IL1RAPL1: variants seen among roughly 807,000 people sequenced by gnomAD.
IL1RAPL1 encodes interleukin 1 receptor accessory protein like 1.
A neutral mutation model predicts 48.4 loss-of-function variants in IL1RAPL1; 3 were observed. The observed-to-expected ratio is 0.06, with a 90% confidence interval of 0.03 to 0.16. The LOEUF is 0.16. Ranked by LOEUF, IL1RAPL1 falls within the 10% of genes least tolerant of loss-of-function variation. The pLI is 1.00. For missense variants in IL1RAPL1, 349 were observed against 530.6 expected, an observed-to-expected ratio of 0.66 and a Z score of 3.36; for synonymous variants, 185 against 187.7, an observed-to-expected ratio of 0.99 and a Z score of 0.12.
chrX:29,773,951 T>C (rs1929128716), intron 6 of IL1RAPL1, among the ~76,000 whole-genome samples: 1 of 112,069 alleles, frequency 8.9e-6, no homozygotes, highest in Non-Finnish European at 1.9e-5. Flanking sequence ...CACATGTAAC[T>C]CTATATACAT....
At chrX:29,261,311 AG>A (rs1931855206) in intron 2 of IL1RAPL1, among the ~76,000 whole-genome samples, 1 of 111,421 alleles carries the variant, frequency 9.0e-6, no homozygotes. Context: ...CTGATAAATA[AG>A]ATAATTTGTA....
intron 2 of IL1RAPL1, among the ~76,000 whole-genome samples, chrX:28,958,825 A>G (rs971999530): frequency 1.5e-4 from 17 of 111,353 alleles, no homozygotes; most frequent in African/African-American, 5.5e-4. Context: ...TGTATTGGAC[A>G]TTGATTCTAA....
chrX:28,733,107 G>A (rs140940371), intron 1 of IL1RAPL1, among the ~76,000 whole-genome samples: 2,514 of 108,262 alleles, frequency 0.023, 80 homozygotes, highest in African/African-American at 0.082. Flanking sequence ...GTGTGTGTGT[G>A]TATATAATAT....
At position 28,660,086 on chromosome X, in the gene IL1RAPL1, GGTGTGTGTGTGTGTGTGTGT is replaced by G. The variant is rs60600833; in HGVS notation, c.-25+72074_-25+72093del. On this transcript the variant is annotated intron_variant, in intron 1 of 10. Transcript: ENST00000378993. ...TCCAAAGCAGAAGCAGAGTGAGGAT[GGTGTGTGTGTGTGTGTGTGT>G]GTGTGTGTGTGTGTGTGTGTGTGTG... Among the ~76,000 whole-genome samples the G allele has an allele frequency of 3.1e-3, 240 of 76,420 alleles. 1 individual carries two copies. Among genetic ancestry groups the G allele is most frequent in the East Asian group, 0.012 (23 of 1,953 alleles). 66.4% of individuals were successfully genotyped at this position (76,420 alleles called of 115,157 possible). A position where few individuals can be genotyped will look rare whatever the true frequency, so the allele number is the denominator to read the frequency against.
intron 6 of IL1RAPL1, among the ~76,000 whole-genome samples, chrX:29,803,346 TATGTATAC>T (rs1259417916): frequency 3.7e-5 from 3 of 80,307 alleles, no homozygotes; most frequent in East Asian, 4.3e-4. Flanking sequence ...CATATGTATA[TATGTATAC>T]ATGTATACAC....
At chrX:29,577,157 T>A (rs1922803053) in intron 5 of IL1RAPL1, among the ~76,000 whole-genome samples, 2 of 112,064 alleles carry the variant, frequency 1.8e-5, no homozygotes, top group South Asian at 7.4e-4. Flanking sequence ...AAAATGTTAT[T>A]GAAAGTTGTT....
At chrX:29,264,228 T>C (rs1178859372) in intron 2 of IL1RAPL1, among the ~76,000 whole-genome samples, 1 of 111,897 alleles carries the variant, frequency 8.9e-6, no homozygotes, top group Non-Finnish European at 1.9e-5. Flanking sequence ...TTCAAAAGCA[T>C]GTATTTTTTT....
intron 5 of IL1RAPL1, among the ~76,000 whole-genome samples, chrX:29,543,827 C>T (rs376472995): frequency 2.7e-5 from 3 of 110,400 alleles, no homozygotes; most frequent in African/African-American, 9.9e-5. Flanking sequence ...AGCAATGGGA[C>T]GATAAGGAGT....
rs975932587 is a variant in IL1RAPL1 at position 28,774,334 on chromosome X, A to G, written c.-24-14986A>G. 8.1e-5 allele frequency among the ~76,000 whole-genome samples: 9 copies of G among 111,750 alleles called. No homozygotes were observed. In the South Asian group the frequency reaches 3.0e-3, roughly 37 times the overall value. On this transcript the variant is annotated intron_variant, in intron 1 of 10. Transcript: ENST00000378993. ...CCTTAGTGTCTTAATAACATCTATT[A>G]TATCATACTTTCTGTGGGTCAGGAA...
At chrX:28,794,351 C>G (rs1401424285) in intron 2 of IL1RAPL1, among the ~76,000 whole-genome samples, 5 of 111,440 alleles carry the variant, frequency 4.5e-5, no homozygotes, top group Admixed American at 2.9e-4. Context: ...GTACTAATGT[C>G]ATTGTGCAGA....
chrX:28,864,537 G>A (rs1922031754), intron 2 of IL1RAPL1, among the ~76,000 whole-genome samples: 1 of 111,279 alleles, frequency 9.0e-6, no homozygotes, highest in African/African-American at 3.3e-5. Flanking sequence ...TAGATAGGGT[G>A]GTATTGAAAG....
At chrX:29,719,067 G>T (rs1927561948) in intron 6 of IL1RAPL1, among the ~76,000 whole-genome samples, 1 of 112,168 alleles carries the variant, frequency 8.9e-6, no homozygotes. Context: ...GTATCAGAGA[G>T]AAGTGACTTT....
At chrX:29,379,693 G>A (rs960092065) in intron 3 of IL1RAPL1, among the ~76,000 whole-genome samples, 15 of 111,614 alleles carry the variant, frequency 1.3e-4, no homozygotes, top group Non-Finnish European at 1.9e-5. Flanking sequence ...CTTATACACG[G>A]TTCCCAGATT....
intron 2 of IL1RAPL1, among the ~76,000 whole-genome samples, chrX:29,151,191 C>G (rs1929460577): frequency 8.9e-6 from 1 of 111,888 alleles, no homozygotes; most frequent in Non-Finnish European, 1.9e-5. Context: ...AAGTCACCAA[C>G]TGATCATTTT....
At chrX:29,947,981 C>G (rs1365810836) in intron 9 of IL1RAPL1, among the ~76,000 whole-genome samples, 2 of 110,582 alleles carry the variant, frequency 1.8e-5, no homozygotes. Flanking sequence ...TTTTTAATCC[C>G]CTTAAGACTT....
intron 6 of IL1RAPL1, among the ~76,000 whole-genome samples, chrX:29,849,571 G>A (rs1469330208): frequency 8.9e-6 from 1 of 112,040 alleles, no homozygotes; most frequent in Admixed American, 9.5e-5. Context: ...ATTGGTAAGA[G>A]AAGACCTGTC....
chrX:29,930,107 T>C (rs1046635544), intron 8 of IL1RAPL1, among the ~76,000 whole-genome samples: 72 of 112,119 alleles, frequency 6.4e-4, no homozygotes, highest in African/African-American at 2.2e-3. Context: ...ATGCAATTAG[T>C]CAAAATGAAA....
chrX:29,188,219 C>G (rs1930289053), intron 2 of IL1RAPL1, among the ~76,000 whole-genome samples: 1 of 111,845 alleles, frequency 8.9e-6, no homozygotes, highest in Non-Finnish European at 1.9e-5. Flanking sequence ...CTCTGCATGT[C>G]TCTTCCTTTG....
chrX:28,913,849 C>T (rs1017000438), intron 2 of IL1RAPL1, among the ~76,000 whole-genome samples: 3 of 111,536 alleles, frequency 2.7e-5, no homozygotes, highest in Non-Finnish European at 5.6e-5. Context: ...ATGACTTCCG[C>T]TTTCTCACCT....
Sources: gnomAD v4.1 joint callset for allele counts (sites outside exome capture counted in the v4.1 genomes callset) on GRCh38, gnomAD v4.1.1 for gene constraint, MANE v1.5 for transcripts, NCBI Gene and HGNC (gene_info 2026-07-23, HGNC 2026-07-21) for gene names.